Variants in GRM1 observed in about 807,000 individuals in gnomAD.
GRM1 encodes glutamate metabotropic receptor 1.
In GRM1, 33 loss-of-function variants were observed where a neutral mutation model predicts 90.9. The observed-to-expected ratio is 0.36, with a 90% confidence interval of 0.28 to 0.49. The LOEUF (loss-of-function observed/expected upper bound fraction) is 0.49, where lower values mean the gene tolerates loss of function less well. Ranked by LOEUF, GRM1 falls within the 20% of genes least tolerant of loss-of-function variation. The pLI is 0.99. For missense variants in GRM1, 1,190 were observed against 1,534.3 expected (o/e 0.78, Z 3.75); for synonymous variants, 700 against 613.2 (o/e 1.14, Z -2.09).
In GRM1 at chr6:146,029,367, G is replaced by C. The variant is rs1007104842; in HGVS notation, c.-151G>C. On this transcript the variant is annotated 5_prime_UTR_variant, in exon 1 of 8. Transcript: ENST00000282753. The stretch of plus-strand genomic sequence containing the variant: ...GACGAAGGGGAAGGAGGCGGTGGTG[G>C]AGGAGGCAAAGGCCTTGGACGACCA... 8.3e-6 allele frequency: 6 copies of C among 720,692 alleles called. No individual in the cohort carries two copies. Among genetic ancestry groups the C allele is most frequent in the Non-Finnish European group, 1.3e-5 (5 of 398,652 alleles). The allele number at this position is 720,692 out of a possible 1,614,324, so 44.6% of individuals were successfully genotyped here.
chr6:146,163,503 C>T (rs1028105905), intron 2 of GRM1, among the ~76,000 whole-genome samples: 3 of 152,104 alleles, frequency 2.0e-5, no homozygotes, highest in African/African-American at 2.4e-5. Context: ...TTTCAATGTA[C>T]GGAGTACAGT....
At chr6:146,083,274 A>G (rs577889508) in intron 1 of GRM1, among the ~76,000 whole-genome samples, 94 of 152,274 alleles carry the variant, frequency 6.2e-4, no homozygotes, top group African/African-American at 2.2e-3. Context: ...ACTATGTTGA[A>G]TAGGAGTGGT....
At chr6:146,349,596 T>G (rs940390276) in intron 3 of GRM1, among the ~76,000 whole-genome samples, 3 of 152,166 alleles carry the variant, frequency 2.0e-5, no homozygotes, top group Non-Finnish European at 4.4e-5. Context: ...CTGATTTGAT[T>G]GTAATTATTA....
chr6:146,352,536 C>T (rs1405875215), intron 4 of GRM1, 40 bp downstream of exon 4: 1 of 1,605,704 alleles, frequency 6.2e-7, no homozygotes, highest in Non-Finnish European at 8.5e-7. Flanking sequence ...CCTTGTGAGC[C>T]TTCCTGTGCC....
intron 1 of GRM1, among the ~76,000 whole-genome samples, chr6:146,142,699 C>T (rs574475538): frequency 7.3e-5 from 11 of 150,116 alleles, no homozygotes; most frequent in African/African-American, 9.7e-5. Context: ...GACAGTACTG[C>T]GACGCTACTG....
chr6:146,149,862 G>T (rs991185845), intron 1 of GRM1, among the ~76,000 whole-genome samples: 1 of 152,160 alleles, frequency 6.6e-6, no homozygotes, highest in Non-Finnish European at 1.5e-5. Context: ...AAAATTGCTT[G>T]TAAGATTCTT....
intron 5 of GRM1, among the ~76,000 whole-genome samples, chr6:146,371,461 A>G (rs1176821897): frequency 6.6e-6 from 1 of 152,110 alleles, no homozygotes; most frequent in Non-Finnish European, 1.5e-5. Context: ...TTATCCTTTG[A>G]GTTACAAACA....
chr6:146,137,804 A>AT (rs1303374323), intron 1 of GRM1, among the ~76,000 whole-genome samples: 1 of 151,618 alleles, frequency 6.6e-6, no homozygotes, highest in Non-Finnish European at 1.5e-5. Flanking sequence ...ATATTTTTCC[A>AT]TTTTTTGTGT....
intron 1 of GRM1, among the ~76,000 whole-genome samples, chr6:146,041,852 C>T (rs554166474): frequency 4.6e-5 from 7 of 151,996 alleles, no homozygotes; most frequent in South Asian, 4.2e-4. Context: ...TACCCATAGA[C>T]GGAGTAGCTT....
In GRM1 at chr6:146,399,765, CT is replaced by C; in HGVS notation, c.2660+67del. ...TCTCTGTCTCTTTCTCTCTCTCTCT[CT>C]CTCTCTCTTTCTCTGTCTCTCATAT... On this transcript the variant is annotated intron_variant, in intron 7 of 7. Transcript: ENST00000282753. The surrounding 1 kb of genome is among the most constrained non-coding windows in gnomAD (Gnocchi z 5.4). 2 of 1,099,166 alleles carry C rather than the reference CT, an allele frequency of 1.8e-6. No individual in the cohort carries two copies. Among genetic ancestry groups the C allele is most frequent in the East Asian group, 2.6e-5 (1 of 39,200 alleles). The allele number at this position is 1,099,166 out of a possible 1,614,324, so 68.1% of individuals were successfully genotyped here. A position where few individuals can be genotyped will look rare whatever the true frequency, so the allele number is the denominator to read the frequency against.
At chr6:146,236,914 G>A (rs1346554573) in intron 2 of GRM1, among the ~76,000 whole-genome samples, 1 of 152,084 alleles carries the variant, frequency 6.6e-6, no homozygotes, top group Non-Finnish European at 1.5e-5. Flanking sequence ...GAGTCTGGAA[G>A]TGGGTCAAAC....
At chr6:146,224,913 A>C (rs1477078811) in intron 2 of GRM1, among the ~76,000 whole-genome samples, 1 of 152,104 alleles carries the variant, frequency 6.6e-6, no homozygotes, top group Non-Finnish European at 1.5e-5. Context: ...CTAGGACTCA[A>C]AGCTGACTTT....
At chr6:146,216,112 T>C (rs1447730358) in intron 2 of GRM1, among the ~76,000 whole-genome samples, 1 of 152,224 alleles carries the variant, frequency 6.6e-6, no homozygotes, top group Non-Finnish European at 1.5e-5. Flanking sequence ...AATTGTTCTG[T>C]AAATCTGACT....
chr6:146,387,370 C>T (rs896834667), intron 6 of GRM1, among the ~76,000 whole-genome samples: 7 of 151,534 alleles, frequency 4.6e-5, no homozygotes, highest in Non-Finnish European at 2.9e-5. Flanking sequence ...ACTATAGGCC[C>T]TAAAAATAGA....
intron 1 of GRM1, among the ~76,000 whole-genome samples, chr6:146,115,219 CAT>C (rs1486425072): frequency 8.2e-6 from 1 of 122,026 alleles, no homozygotes; most frequent in Non-Finnish European, 1.7e-5. Context: ...GGATTAAATG[CAT>C]ACACACACAC....
intron 5 of GRM1, among the ~76,000 whole-genome samples, chr6:146,361,947 C>G (rs1033914698): frequency 1.3e-5 from 2 of 152,202 alleles, no homozygotes; most frequent in African/African-American, 4.8e-5. Flanking sequence ...ATCCAGAATT[C>G]AGCAAGCAAT....
intron 1 of GRM1, among the ~76,000 whole-genome samples, chr6:146,139,324 G>A (rs1336327488): frequency 6.6e-6 from 1 of 152,092 alleles, no homozygotes; most frequent in Non-Finnish European, 1.5e-5. Flanking sequence ...TATCTATTAT[G>A]TCTATTTGAT....
intron 2 of GRM1, among the ~76,000 whole-genome samples, chr6:146,288,460 T>C (rs896759102): frequency 2.0e-5 from 3 of 152,210 alleles, no homozygotes; most frequent in Admixed American, 6.5e-5. Context: ...TGGTTACTTA[T>C]GCAGTCATGA....
At chr6:146,097,513 C>T (rs1285397031) in intron 1 of GRM1, among the ~76,000 whole-genome samples, 1 of 152,152 alleles carries the variant, frequency 6.6e-6, no homozygotes, top group Non-Finnish European at 1.5e-5. Flanking sequence ...AAACTACATG[C>T]TGGGTCATAT....
Sources: allele counts gnomAD v4.1 joint callset (sites outside exome capture counted in the v4.1 genomes callset), GRCh38; gene constraint gnomAD v4.1.1; non-coding constraint Gnocchi (gnomAD v3.1); transcripts MANE v1.5; gene names NCBI Gene and HGNC (gene_info 2026-07-23, HGNC 2026-07-21).